SUCLG2: variants seen among roughly 807,000 people sequenced by gnomAD.
SUCLG2 encodes the protein succinate--CoA ligase [GDP-forming] subunit beta, mitochondrial.
SUCLG2 carries 42 observed loss-of-function variants against 47.9 expected under a neutral mutation model. The ratio of observed to expected loss-of-function variants is 0.88; its 90% CI spans 0.69 to 1.14. The LOEUF is 1.14. SUCLG2 is among the 50% of genes most tolerant of loss of function. The pLI is 0.00. For synonymous variants in SUCLG2, 195 were observed against 197.3 expected, an observed-to-expected ratio of 0.99 and a Z score of 0.10; for missense variants, 571 against 525.9, an observed-to-expected ratio of 1.09 and a Z score of -0.84.
At chr3:67,597,136 C>T (rs1708311030) in intron 2 of SUCLG2, among the ~76,000 whole-genome samples, 2 of 152,202 alleles carry the variant, frequency 1.3e-5, no homozygotes, top group Non-Finnish European at 2.9e-5. Context: ...TCAACTAAGG[C>T]TGTTCTGTGG....
rs369166485 is a variant in SUCLG2 at position 67,415,278 on chromosome 3, AG to A, written c.1063-14428del. On this transcript the variant is annotated intron_variant, in intron 9 of 10. Transcript: ENST00000307227. ...AAAAGAAACCAAGCAAGTTTGGAGA[AG>A]GACACAAGGATTTCTCCGGCTACAA... Among the ~76,000 whole-genome samples the A allele has an allele frequency of 3.0e-3, 452 of 152,376 alleles. 5 individuals are homozygous for A. The highest frequency in any genetic ancestry group is 0.01 in the African/African-American group (430 of 41,590).
chr3:67,472,935 A>G (rs759516323), intron 9 of SUCLG2, among the ~76,000 whole-genome samples: 1 of 152,200 alleles, frequency 6.6e-6, no homozygotes, highest in African/African-American at 2.4e-5. Context: ...GGAAATGACT[A>G]AAAGTATAAG....
chr3:67,471,877 G>C (rs890975470), intron 9 of SUCLG2, among the ~76,000 whole-genome samples: 9 of 152,168 alleles, frequency 5.9e-5, no homozygotes, highest in African/African-American at 2.2e-4. Flanking sequence ...AGTTTCGTGA[G>C]AGGTGAGAAA....
chr3:67,534,481 C>T lies in SUCLG2; in HGVS notation c.227-5295G>A, dbSNP rs542292887. 1.4e-3 allele frequency among the ~76,000 whole-genome samples: 209 copies of T among 151,898 alleles called. 4 individuals carry two copies. The South Asian group carries it at 0.04, about 29-fold the overall frequency. ...ACTATATTATGGGCCACATTAAAAT[C>T]TGTAATATAAATTAGGCTACTCCTC... On this transcript the variant is annotated intron_variant, in intron 2 of 10. Coordinates refer to ENST00000307227, the MANE Select transcript of SUCLG2 (RefSeq NM_003848.4).
chr3:67,460,795 C>G (rs1367050951), intron 9 of SUCLG2, among the ~76,000 whole-genome samples: 1 of 152,050 alleles, frequency 6.6e-6, no homozygotes, highest in Non-Finnish European at 1.5e-5. Flanking sequence ...TACAGGCCCA[C>G]TGGGAAGGAA....
chr3:67,482,742 A>G (rs1704949801), intron 9 of SUCLG2, among the ~76,000 whole-genome samples: 1 of 152,172 alleles, frequency 6.6e-6, no homozygotes, highest in Non-Finnish European at 1.5e-5. Flanking sequence ...TGACACACGG[A>G]AGATTCTAAG....
chr3:67,383,769 A>G (rs539363363), intron 10 of SUCLG2, among the ~76,000 whole-genome samples: 1 of 152,322 alleles, frequency 6.6e-6, no homozygotes, highest in East Asian at 1.9e-4. Flanking sequence ...AAAAAGCAAC[A>G]TAGATACTAA....
chr3:67,416,632 A>G (rs1703044850), intron 9 of SUCLG2, among the ~76,000 whole-genome samples: 1 of 152,216 alleles, frequency 6.6e-6, no homozygotes, highest in Non-Finnish European at 1.5e-5. Flanking sequence ...TTCAAGTGCA[A>G]TGTGAGTTAA....
At chr3:67,517,119 C>G (rs1171238772) in intron 6 of SUCLG2, among the ~76,000 whole-genome samples, 1 of 152,184 alleles carries the variant, frequency 6.6e-6, no homozygotes, top group Non-Finnish European at 1.5e-5. Flanking sequence ...AGGTTTAGTT[C>G]CAGATGACCC....
chr3:67,410,459 G>C (rs909700719), intron 9 of SUCLG2, among the ~76,000 whole-genome samples: 3 of 152,118 alleles, frequency 2.0e-5, no homozygotes, highest in African/African-American at 4.8e-5. Flanking sequence ...AAGGACTGAA[G>C]GGCACAGAGA....
At chr3:67,592,743 A>AAAAC (rs1708197405) in intron 2 of SUCLG2, among the ~76,000 whole-genome samples, 5 of 148,598 alleles carry the variant, frequency 3.4e-5, no homozygotes, top group African/African-American at 1.3e-4. Flanking sequence ...AAAACAACAA[A>AAAAC]AAAAAACTGA....
chr3:67,464,073 C>A (rs1446931641), intron 9 of SUCLG2, among the ~76,000 whole-genome samples: 1 of 152,212 alleles, frequency 6.6e-6, no homozygotes, highest in Non-Finnish European at 1.5e-5. Context: ...AACATTTAAC[C>A]TCTGGATTTG....
At position 67,473,576 on chromosome 3, in the gene SUCLG2, T is replaced by A. The variant is rs542418349; in HGVS notation, c.1062+22222A>T. On this transcript the variant is annotated intron_variant, in intron 9 of 10. Transcript: ENST00000307227. ...AGGCAATCATTAAGAGTCTTTTGAC[T>A]ACACGATACAACACACATTAAGAGT... Among the ~76,000 whole-genome samples the A allele has an allele frequency of 5.9e-5, 9 of 152,328 alleles. No homozygotes were observed. The South Asian group carries it at 1.7e-3, about 28-fold the overall frequency.
intron 9 of SUCLG2, among the ~76,000 whole-genome samples, chr3:67,451,847 G>T (rs1704064039): frequency 6.6e-6 from 1 of 152,094 alleles, no homozygotes; most frequent in Admixed American, 6.6e-5. Flanking sequence ...GGAAGAGGGG[G>T]GCTGGGGAAG....
intron 9 of SUCLG2, among the ~76,000 whole-genome samples, chr3:67,490,709 T>C (rs1183771893): frequency 6.6e-6 from 1 of 152,214 alleles, no homozygotes; most frequent in African/African-American, 2.4e-5. Context: ...AAGTTTTCAC[T>C]ATGCTTTAGA....
At chr3:67,636,092 G>C (rs1022720663) in intron 1 of SUCLG2, among the ~76,000 whole-genome samples, 3 of 152,136 alleles carry the variant, frequency 2.0e-5, no homozygotes, top group African/African-American at 4.8e-5. Flanking sequence ...CTCATGAACA[G>C]GGACAATACT....
intron 6 of SUCLG2, chr3:67,514,051 G>T: frequency 2.8e-6 from 1 of 356,684 alleles, no homozygotes. Context: ...CGAGCGGTTG[G>T]CCATAAGAGC....
intron 2 of SUCLG2, among the ~76,000 whole-genome samples, chr3:67,584,409 A>T (rs1368996968): frequency 6.6e-6 from 1 of 152,238 alleles, no homozygotes; most frequent in East Asian, 1.9e-4. Context: ...AGTAAAGGGC[A>T]TAAGGAATCT....
At chr3:67,621,172 T>C (rs1378865736) in intron 1 of SUCLG2, among the ~76,000 whole-genome samples, 1 of 152,186 alleles carries the variant, frequency 6.6e-6, no homozygotes, top group East Asian at 1.9e-4. Flanking sequence ...TGTGTTCCAA[T>C]AAAGCTTTAT....
Sources: gnomAD v4.1 joint callset for allele counts (sites outside exome capture counted in the v4.1 genomes callset) on GRCh38, gnomAD v4.1.1 for gene constraint, MANE v1.5 for transcripts, NCBI Gene and HGNC (gene_info 2026-07-23, HGNC 2026-07-21) for gene names.